Variants in FUT8 observed in about 807,000 individuals in gnomAD.
FUT8 encodes the protein fucosyltransferase 8, also known as alpha-(1,6)-fucosyltransferase.
A neutral mutation model predicts 71.3 loss-of-function variants in FUT8; 29 were observed. The ratio of observed to expected loss-of-function variants is 0.41; its 90% CI spans 0.30 to 0.55. The LOEUF (loss-of-function observed/expected upper bound fraction) is 0.55. FUT8 is among the 20% of genes least tolerant of loss of function. The pLI is 0.34. For synonymous variants in FUT8, 254 were observed against 239.3 expected, an observed-to-expected ratio of 1.06 and a Z score of -0.57; for missense variants, 544 against 702.1, an observed-to-expected ratio of 0.77 and a Z score of 2.55.
chr14:65,489,811 G>T lies in FUT8; in HGVS notation c.-228+34093G>T, dbSNP rs1344541099. The stretch of plus-strand genomic sequence containing the variant: ...GACTTGTTTCATAGTAAAACAGATG[G>T]CATGGCAAGGGAGAAGAAACTTACA... On this transcript the variant is annotated intron_variant, in intron 2 of 10. Coordinates refer to ENST00000673929, the MANE Select transcript of FUT8 (RefSeq NM_001371533.1). The surrounding 1 kb of genome is among the most constrained non-coding windows in gnomAD (Gnocchi z 4.0). Among the ~76,000 whole-genome samples the T allele has an allele frequency of 1.3e-5, 2 of 151,954 alleles. No homozygotes were observed. The highest frequency in any genetic ancestry group is 1.3e-4 in the Admixed American group (2 of 15,250).
At chr14:65,552,958 C>G (rs374150330) in intron 2 of FUT8, among the ~76,000 whole-genome samples, 1 of 152,068 alleles carries the variant, frequency 6.6e-6, no homozygotes, top group African/African-American at 2.4e-5. Flanking sequence ...TGAGGAAATA[C>G]GTTCTTTTTT....
intron 2 of FUT8, among the ~76,000 whole-genome samples, chr14:65,470,353 C>T (rs957031447): frequency 2.0e-5 from 3 of 152,080 alleles, no homozygotes; most frequent in African/African-American, 4.8e-5. Context: ...GGTTGGGGGA[C>T]AGGGCTCCTG....
At chr14:65,591,283 A>C (rs1276640951) in intron 3 of FUT8, among the ~76,000 whole-genome samples, 2 of 152,120 alleles carry the variant, frequency 1.3e-5, no homozygotes, top group Non-Finnish European at 2.9e-5. Flanking sequence ...ATCACTTGTC[A>C]TTGTTTTCAA....
chr14:65,470,183 A>C (rs994117149), intron 2 of FUT8, among the ~76,000 whole-genome samples: 4 of 152,080 alleles, frequency 2.6e-5, no homozygotes, highest in African/African-American at 9.7e-5. Context: ...CTTGGCTCCA[A>C]CCCCACTCTG....
chr14:65,469,606 C>T (rs900322208), intron 2 of FUT8, among the ~76,000 whole-genome samples: 3 of 152,220 alleles, frequency 2.0e-5, no homozygotes, highest in African/African-American at 7.2e-5. Context: ...AGTGTTAGAA[C>T]AGCTCAGAGG....
intron 6 of FUT8, among the ~76,000 whole-genome samples, chr14:65,631,340 C>G (rs1890170502): frequency 6.6e-6 from 1 of 152,194 alleles, no homozygotes; most frequent in South Asian, 2.1e-4. Flanking sequence ...GCTACCTAAA[C>G]TGTAACAAGT....
intron 1 of FUT8, among the ~76,000 whole-genome samples, chr14:65,433,771 C>T (rs1177000484): frequency 7.2e-6 from 1 of 139,544 alleles, no homozygotes; most frequent in Non-Finnish European, 1.5e-5. Context: ...TTTATTTCTA[C>T]CTCTCTTCTG....
chr14:65,715,269 A>G (rs1330230099), intron 7 of FUT8, among the ~76,000 whole-genome samples: 1 of 152,104 alleles, frequency 6.6e-6, no homozygotes, highest in African/African-American at 2.4e-5. Context: ...TCAGTTTTTT[A>G]AGGGTTTTTA....
intron 7 of FUT8, among the ~76,000 whole-genome samples, chr14:65,672,582 C>T (rs980116344): frequency 1.3e-5 from 2 of 152,138 alleles, no homozygotes; most frequent in African/African-American, 4.8e-5. Context: ...ACTTCAGCCC[C>T]CACAGCACCT....
intron 3 of FUT8, among the ~76,000 whole-genome samples, chr14:65,593,241 A>G (rs779792295): frequency 4.7e-4 from 72 of 152,208 alleles, no homozygotes; most frequent in Non-Finnish European, 8.5e-4. Flanking sequence ...TTATGTGTCA[A>G]TACTTGTATG....
Position 65,675,438 on chromosome 14 carries a change from A to G in FUT8, c.835+5958A>G, listed in dbSNP as rs150181474. 4.8e-3 allele frequency among the ~76,000 whole-genome samples: 736 copies of G among 152,320 alleles called. 8 individuals are homozygous for G. The highest frequency in any genetic ancestry group is 0.017 in the African/African-American group (700 of 41,570). On this transcript the variant is annotated intron_variant, in intron 7 of 10. Transcript: ENST00000673929. Reference sequence around the variant, plus strand: ...ATAATAAAACAAGATCTGTAATGGTATAAAATGAAAATTTGATCAAACTCC... The same window carrying G: ...ATAATAAAACAAGATCTGTAATGGTGTAAAATGAAAATTTGATCAAACTCC...
intron 2 of FUT8, among the ~76,000 whole-genome samples, chr14:65,531,697 A>C (rs7153497): frequency 5.3e-5 from 8 of 151,976 alleles, no homozygotes; most frequent in African/African-American, 1.9e-4. Flanking sequence ...GGGGTTTGAC[A>C]TACAGATTAT....
At chr14:65,557,340 T>TG (rs1885641987) in intron 2 of FUT8, among the ~76,000 whole-genome samples, 1 of 151,628 alleles carries the variant, frequency 6.6e-6, no homozygotes, top group African/African-American at 2.4e-5. Flanking sequence ...TCTCCCCTTT[T>TG]TTTTTTTTTT....
intron 1 of FUT8, among the ~76,000 whole-genome samples, chr14:65,427,907 T>C (rs2065414239): frequency 6.6e-6 from 1 of 152,220 alleles, no homozygotes; most frequent in African/African-American, 2.4e-5. Flanking sequence ...TTCTTGATTT[T>C]TAATATTAAT....
At chr14:65,685,702 G>A (rs946464101) in intron 7 of FUT8, among the ~76,000 whole-genome samples, 8 of 152,132 alleles carry the variant, frequency 5.3e-5, no homozygotes, top group Non-Finnish European at 1.2e-4. Context: ...GAAAGGGGTG[G>A]GCAATTCACG....
At chr14:65,710,064 C>T (rs1894739442) in intron 7 of FUT8, among the ~76,000 whole-genome samples, 1 of 152,088 alleles carries the variant, frequency 6.6e-6, no homozygotes, top group South Asian at 2.1e-4. Flanking sequence ...CAGTTATTAC[C>T]CTTTAAAACC....
At chr14:65,571,032 T>C (rs998291836) in intron 3 of FUT8, among the ~76,000 whole-genome samples, 2 of 152,134 alleles carry the variant, frequency 1.3e-5, no homozygotes, top group African/African-American at 4.8e-5. Flanking sequence ...CCCTTTTTTG[T>C]CTATAAATCT....
At chr14:65,411,982 G>A (rs1397582862), upstream of FUT8, 2 of 455,884 alleles carry the variant, frequency 4.4e-6, no homozygotes, top group Admixed American at 2.4e-5. Context: ...GGAATTTTCC[G>A]AGTCCGAGCG....
intron 1 of FUT8, among the ~76,000 whole-genome samples, chr14:65,416,824 A>G (rs892876332): frequency 1.4e-5 from 2 of 139,688 alleles, no homozygotes; most frequent in Non-Finnish European, 3.0e-5. Flanking sequence ...TATGTTGCCC[A>G]GGTTGGAGTG....
Sources: gnomAD v4.1 joint callset for allele counts (sites outside exome capture counted in the v4.1 genomes callset) on GRCh38, gnomAD v4.1.1 for gene constraint, Gnocchi (gnomAD v3.1) non-coding constraint, MANE v1.5 for transcripts, NCBI Gene and HGNC (gene_info 2026-07-23, HGNC 2026-07-21) for gene names.